The following PDE4B variants were observed in gnomAD, a reference collection of about 807,000 sequenced individuals.
PDE4B encodes the protein phosphodiesterase 4B, also known as 3',5'-cyclic-AMP phosphodiesterase 4B.
Under a neutral mutation model 82.2 loss-of-function variants are expected in PDE4B, and 20 were observed. That is an observed-to-expected ratio of 0.24 (90% confidence interval 0.17 to 0.35). PDE4B has a LOEUF of 0.35. PDE4B is among the 10% of genes least tolerant of loss of function. The pLI, the probability that PDE4B is intolerant of heterozygous loss-of-function variation, is 1.00. For synonymous variants in PDE4B, 320 were observed against 318.9 expected, an observed-to-expected ratio of 1.00 and a Z score of -0.04; for missense variants, 655 against 907.2, an observed-to-expected ratio of 0.72 and a Z score of 3.57.
At chr1:65,962,152 A>G (rs902361334) in intron 3 of PDE4B, among the ~76,000 whole-genome samples, 3 of 152,178 alleles carry the variant, frequency 2.0e-5, no homozygotes, top group African/African-American at 7.2e-5. Context: ...ATTTTATAAT[A>G]AAGTATTGAA....
intron 3 of PDE4B, among the ~76,000 whole-genome samples, chr1:66,170,104 T>A (rs1646811052): frequency 6.6e-6 from 1 of 152,114 alleles, no homozygotes; most frequent in African/African-American, 2.4e-5. Flanking sequence ...ATGAACTAAG[T>A]CCCTAGGTGT....
chr1:65,963,038 A>T (rs1025018603), intron 3 of PDE4B, among the ~76,000 whole-genome samples: 15 of 152,290 alleles, frequency 9.8e-5, no homozygotes, highest in African/African-American at 3.6e-4. Context: ...TACTCTCACC[A>T]TAGCTGATTT....
intron 1 of PDE4B, among the ~76,000 whole-genome samples, chr1:65,808,255 T>G (rs917253469): frequency 1.3e-5 from 2 of 150,796 alleles, no homozygotes; most frequent in African/African-American, 4.9e-5. Flanking sequence ...CACTATAACC[T>G]TCAACTCCTG....
chr1:66,372,918 G>A lies in PDE4B; in HGVS notation c.*240G>A, dbSNP rs1487739943. The stretch of plus-strand genomic sequence containing the variant: ...AGGGCTGAAGCTGTTGCTGGGGGCC[G>A]ATTCTGATCAAGACACATGGCTTGA... On this transcript the variant is annotated 3_prime_UTR_variant, in exon 17 of 17. Coordinates refer to ENST00000341517, the MANE Select transcript of PDE4B (RefSeq NM_002600.4). 9 of 482,780 alleles carry A rather than the reference G, an allele frequency of 1.9e-5. No homozygotes were observed. Among genetic ancestry groups the A allele is most frequent in the East Asian group, 1.6e-4 (5 of 30,748 alleles). The allele number at this position is 482,780 out of a possible 1,614,324, so 29.9% of individuals were successfully genotyped here. A position where few individuals can be genotyped will look rare whatever the true frequency, so the allele number is the denominator to read the frequency against.
intron 1 of PDE4B, among the ~76,000 whole-genome samples, chr1:65,866,951 T>C (rs1046734582): frequency 5.4e-4 from 83 of 152,306 alleles, no homozygotes; most frequent in African/African-American, 1.7e-3. Flanking sequence ...AATCAAAACT[T>C]TTTTTGATGT....
intron 3 of PDE4B, among the ~76,000 whole-genome samples, chr1:66,086,698 A>G (rs1480045486): frequency 1.3e-5 from 2 of 152,182 alleles, no homozygotes; most frequent in Non-Finnish European, 2.9e-5. Flanking sequence ...AAACTCCACC[A>G]TTAGTTCCTT....
chr1:66,005,478 T>C (rs1313063948), intron 3 of PDE4B, among the ~76,000 whole-genome samples: 1 of 152,162 alleles, frequency 6.6e-6, no homozygotes, highest in East Asian at 1.9e-4. Context: ...TTTGAGAAAG[T>C]TTTCCTTCTC....
At chr1:65,974,101 C>G (rs527560235) in intron 3 of PDE4B, among the ~76,000 whole-genome samples, 13 of 152,308 alleles carry the variant, frequency 8.5e-5, no homozygotes, top group African/African-American at 3.1e-4. Flanking sequence ...GTGTGAGCCA[C>G]TATACCTGGC....
At chr1:65,985,372 A>G (rs1042106502) in intron 3 of PDE4B, among the ~76,000 whole-genome samples, 1 of 152,164 alleles carries the variant, frequency 6.6e-6, no homozygotes, top group Non-Finnish European at 1.5e-5. Context: ...CTGGACTTAT[A>G]TAGGCAATTA....
chr1:66,239,418 T>TG (rs1297045715), intron 3 of PDE4B, among the ~76,000 whole-genome samples: 2 of 152,172 alleles, frequency 1.3e-5, no homozygotes, highest in South Asian at 4.1e-4. Context: ...TTATAAAAAG[T>TG]GGTAATTACT....
chr1:66,241,678 A>G (rs1161189047), intron 3 of PDE4B, among the ~76,000 whole-genome samples: 3 of 152,108 alleles, frequency 2.0e-5, no homozygotes. Flanking sequence ...TTTCCAATAG[A>G]AATTTTAAGA....
chr1:66,032,794 A>G (rs1001898414), intron 3 of PDE4B, among the ~76,000 whole-genome samples: 2 of 151,750 alleles, frequency 1.3e-5, no homozygotes, highest in Admixed American at 6.6e-5. Context: ...CAGCTGGACT[A>G]CAGGCGCCTG....
intron 3 of PDE4B, among the ~76,000 whole-genome samples, chr1:66,078,511 A>G (rs1656549314): frequency 6.6e-6 from 1 of 152,084 alleles, no homozygotes; most frequent in South Asian, 2.1e-4. Flanking sequence ...AGCCCGGCCT[A>G]AAGCCTCTTT....
At chr1:65,944,767 C>T (rs1166155798) in intron 3 of PDE4B, among the ~76,000 whole-genome samples, 3 of 151,620 alleles carry the variant, frequency 2.0e-5, no homozygotes, top group African/African-American at 4.8e-5. Flanking sequence ...TAGCTTGGGT[C>T]TGGAGATTTG....
chr1:65,913,267 T>A lies in PDE4B; in HGVS notation c.-48T>A. ...TAGGTATTAAAAAGTGTCAGCAAAC[T>A]GCATTGAATAACAGACATCCTAAGA... On this transcript the variant is annotated 5_prime_UTR_variant, in exon 2 of 17. Transcript: ENST00000341517. 1 of 1,559,298 alleles carries A rather than the reference T, an allele frequency of 6.4e-7. No homozygotes were observed.
chr1:66,336,056 C>T (rs1660488864), intron 8 of PDE4B, among the ~76,000 whole-genome samples: 2 of 152,160 alleles, frequency 1.3e-5, no homozygotes, highest in South Asian at 4.1e-4. Context: ...AGGAAGAAAG[C>T]AAATAGCCTC....
At chr1:65,992,626 T>TCGG in intron 3 of PDE4B, 1 of 651,568 alleles carries the variant, frequency 1.5e-6, no homozygotes, top group Non-Finnish European at 2.1e-6. Context: ...AGTGTGTAGC[T>TCGG]TGCAGACAAA....
chr1:66,261,256 A>G (rs17128687), intron 6 of PDE4B, among the ~76,000 whole-genome samples: 3,712 of 152,286 alleles, frequency 0.024, 61 homozygotes, highest in Middle Eastern at 0.048. Context: ...TAGATAGTGA[A>G]TACCTTCAAA....
chr1:65,993,285 T>C (rs761544501), intron 3 of PDE4B: 7 of 623,970 alleles, frequency 1.1e-5, no homozygotes, highest in Non-Finnish European at 1.9e-5. Context: ...CCAGGTCAGA[T>C]GAAGAGTACA....
Sources: gnomAD v4.1 joint callset for allele counts (sites outside exome capture counted in the v4.1 genomes callset) on GRCh38, gnomAD v4.1.1 for gene constraint, MANE v1.5 for transcripts, NCBI Gene and HGNC (gene_info 2026-07-23, HGNC 2026-07-21) for gene names.